Variants in ASCC3 observed in about 807,000 individuals in gnomAD.
The protein encoded by ASCC3 is activating signal cointegrator 1 complex subunit 3.
ASCC3 carries 158 observed loss-of-function variants against 256.3 expected under a neutral mutation model. The ratio of observed to expected loss-of-function variants is 0.62; its 90% confidence interval spans 0.54 to 0.70. The LOEUF is 0.70. Ranked by LOEUF, ASCC3 falls within the 30% of genes least tolerant of loss-of-function variation. The pLI is 0.00. For missense variants in ASCC3, 2,259 were observed against 2,626.0 expected (o/e 0.86, Z 3.05); for synonymous variants, 948 against 883.4 (o/e 1.07, Z -1.30).
intron 13 of ASCC3, among the ~76,000 whole-genome samples, chr6:100,693,728 G>A (rs1777946241): frequency 6.6e-6 from 1 of 152,082 alleles, no homozygotes; most frequent in African/African-American, 2.4e-5. Flanking sequence ...TGTCTACTAA[G>A]TGTCACCACA....
At position 100,627,604 on chromosome 6, in the gene ASCC3, TTGTTCATAC is replaced by T. The variant is rs754560913; in HGVS notation, c.4619_4627del (p.Ser1540_Asn1542del). 2.5e-6 allele frequency: 4 copies of T among 1,613,392 alleles called. No homozygotes were observed. Among genetic ancestry groups the T allele is most frequent in the African/African-American group, 1.3e-5 (1 of 74,892 alleles). ...CTGAAGCTTACCCTGAAATGCAGGC[TTGTTCATAC>T]TAGCCATACGAGGACAGTAATGTTG... On this transcript the variant is annotated inframe_deletion, in exon 29 of 42. Transcript: ENST00000369162.
chr6:100,855,982 T>C (rs760386186), intron 3 of ASCC3, among the ~76,000 whole-genome samples: 5 of 152,038 alleles, frequency 3.3e-5, no homozygotes, highest in Non-Finnish European at 5.9e-5. Flanking sequence ...TCCCAAACTA[T>C]AAAAAAGTTA....
chr6:100,598,527 C>T (rs1772433966), intron 34 of ASCC3, among the ~76,000 whole-genome samples: 1 of 152,130 alleles, frequency 6.6e-6, no homozygotes, highest in Admixed American at 6.5e-5. Context: ...TCTCCCCAAA[C>T]TTCCTGTTCT....
intron 13 of ASCC3, among the ~76,000 whole-genome samples, chr6:100,682,874 C>T (rs1300298838): frequency 6.6e-6 from 1 of 152,094 alleles, no homozygotes; most frequent in Non-Finnish European, 1.5e-5. Flanking sequence ...ACTATTACAT[C>T]TGAATCACTG....
chr6:100,839,479 CT>C (rs1036462567), intron 4 of ASCC3, among the ~76,000 whole-genome samples: 3 of 152,042 alleles, frequency 2.0e-5, no homozygotes, highest in African/African-American at 7.2e-5. Context: ...TCATTGTGAG[CT>C]TAATATATTA....
intron 18 of ASCC3, among the ~76,000 whole-genome samples, 180 bp downstream of exon 18, chr6:100,652,545 T>C (rs180980014): frequency 2.0e-5 from 3 of 152,210 alleles, no homozygotes; most frequent in African/African-American, 7.2e-5. Flanking sequence ...TGACAAGAGG[T>C]TCCTTAGTAT....
At position 100,847,970 on chromosome 6, in the gene ASCC3, C is replaced by T. The variant is rs1444922712; in HGVS notation, c.801+178G>A. 3 of 567,628 alleles carry T rather than the reference C, an allele frequency of 5.3e-6. No homozygotes were observed. In the African/African-American group the frequency reaches 5.7e-5, roughly 11 times the overall value. 35.2% of individuals were successfully genotyped at this position (567,628 alleles called of 1,614,324 possible). A position where few individuals can be genotyped will look rare whatever the true frequency, so the allele number is the denominator to read the frequency against. ...TACACTCATTACACTTTCAGACCTC[C>T]TGTAACTATCCATTAGGAACGTATA... On this transcript the variant is annotated intron_variant, in intron 4 of 41. Coordinates refer to ENST00000369162, the MANE Select transcript of ASCC3 (RefSeq NM_006828.4).
intron 30 of ASCC3, among the ~76,000 whole-genome samples, chr6:100,622,006 C>T (rs1296518337): frequency 6.6e-6 from 1 of 152,120 alleles, no homozygotes; most frequent in Non-Finnish European, 1.5e-5. Context: ...CCAAACACCC[C>T]ATGTTCTCAC....
intron 10 of ASCC3, among the ~76,000 whole-genome samples, chr6:100,760,712 C>A (rs1781382188): frequency 6.6e-6 from 1 of 152,090 alleles, no homozygotes; most frequent in Non-Finnish European, 1.5e-5. Context: ...AGAGCTCAAC[C>A]ACAGAATGTA....
chr6:100,515,154 T>C (rs1449245477), intron 39 of ASCC3, among the ~76,000 whole-genome samples: 1 of 152,222 alleles, frequency 6.6e-6, no homozygotes, highest in Non-Finnish European at 1.5e-5. Flanking sequence ...TGGCTTGAAA[T>C]CAATGTATGT....
intron 13 of ASCC3, among the ~76,000 whole-genome samples, chr6:100,680,811 C>CTCT (rs1777263160): frequency 1.3e-5 from 1 of 76,130 alleles, no homozygotes; most frequent in Non-Finnish European, 4.4e-5. Flanking sequence ...CTCCCCTATA[C>CTCT]TCCTCTGTTA....
At chr6:100,699,917 C>T (rs954000712) in intron 13 of ASCC3, among the ~76,000 whole-genome samples, 5 of 152,084 alleles carry the variant, frequency 3.3e-5, no homozygotes, top group African/African-American at 4.8e-5. Flanking sequence ...AACTTGGGTG[C>T]TGTTAAAAGC....
At chr6:100,677,791 G>GA (rs1353979591) in intron 14 of ASCC3, among the ~76,000 whole-genome samples, 2 of 151,300 alleles carry the variant, frequency 1.3e-5, no homozygotes, top group African/African-American at 2.4e-5. Context: ...GTTGGATCAG[G>GA]AAAAAAATCA....
intron 30 of ASCC3, among the ~76,000 whole-genome samples, chr6:100,624,163 A>G (rs1230014173): frequency 6.6e-6 from 1 of 151,984 alleles, no homozygotes; most frequent in Non-Finnish European, 1.5e-5. Context: ...ATAAACTAGC[A>G]AAGTTACCTA....
intron 25 of ASCC3, 84 bp from the exon 26 acceptor site, chr6:100,631,297 C>A: frequency 9.8e-7 from 1 of 1,015,412 alleles, no homozygotes; most frequent in South Asian, 1.4e-5. Flanking sequence ...AAAAATTTGT[C>A]AAAATATGAC....
At chr6:100,715,673 C>T (rs911484719) in intron 12 of ASCC3, 140 bp from the exon 13 acceptor site, 3 of 605,994 alleles carry the variant, frequency 5.0e-6, no homozygotes, top group African/African-American at 3.8e-5. Flanking sequence ...ACCTCATAAA[C>T]ATATAACATA....
intron 14 of ASCC3, 140 bp from the exon 15 acceptor site, chr6:100,662,676 T>A: frequency 1.4e-6 from 1 of 704,116 alleles, no homozygotes; most frequent in Non-Finnish European, 2.3e-6. Flanking sequence ...TAGTATATAA[T>A]GCTTTATATA....
intron 8 of ASCC3, among the ~76,000 whole-genome samples, chr6:100,794,289 A>C (rs1769493103): frequency 6.6e-6 from 1 of 152,042 alleles, no homozygotes; most frequent in South Asian, 2.1e-4. Context: ...ATGTGCAGGC[A>C]ATTGTCTTTT....
intron 36 of ASCC3, among the ~76,000 whole-genome samples, chr6:100,551,680 C>T (rs955597376): frequency 1.3e-4 from 20 of 151,966 alleles, no homozygotes; most frequent in African/African-American, 4.3e-4. Flanking sequence ...TTGACACAGA[C>T]AACACTTTTG....
Sources: gnomAD v4.1 joint callset for allele counts (sites outside exome capture counted in the v4.1 genomes callset) on GRCh38, gnomAD v4.1.1 for gene constraint, MANE v1.5 for transcripts, NCBI Gene and HGNC (gene_info 2026-07-23, HGNC 2026-07-21) for gene names.